SGCZ: variants seen among roughly 807,000 people sequenced by gnomAD.
The protein encoded by SGCZ is zeta-sarcoglycan.
In SGCZ, 40 loss-of-function variants were observed where a neutral mutation model predicts 41.3. That is an observed-to-expected ratio of 0.97 (90% CI 0.75 to 1.26). The LOEUF is 1.26. Ranked by LOEUF, SGCZ falls within the 50% of genes most tolerant of loss-of-function variation. SGCZ has a pLI of 0.00. For missense variants in SGCZ, 552 were observed against 369.8 expected (o/e 1.49, Z -4.04); for synonymous variants, 206 against 137.5 (o/e 1.50, Z -3.49).
At chr8:14,571,062 A>G (rs1195615385) in intron 1 of SGCZ, among the ~76,000 whole-genome samples, 1 of 152,184 alleles carries the variant, frequency 6.6e-6, no homozygotes. Context: ...CTGGGTTTAT[A>G]AAGGAAAGAG....
intron 1 of SGCZ, among the ~76,000 whole-genome samples, chr8:15,008,398 AG>A (rs1294349253): frequency 1.3e-5 from 2 of 151,836 alleles, no homozygotes; most frequent in African/African-American, 4.8e-5. Flanking sequence ...ATAGAAGGAC[AG>A]TAGATATAAC....
chr8:14,692,657 A>G lies in SGCZ; in HGVS notation c.40-137731T>C, dbSNP rs936912811. Among the ~76,000 whole-genome samples the G allele has an allele frequency of 1.3e-5, 2 of 152,158 alleles. 1 individual carries two copies. The highest frequency in any genetic ancestry group is 1.3e-4 in the Admixed American group (2 of 15,276). On this transcript the variant is annotated intron_variant, in intron 1 of 7. Transcript: ENST00000382080. ...CTATCTAATACAGAAAATTTGAACTATTTGTATCGCCATTTGGGACCAACT... is the reference window on the plus strand; with the variant it reads ...CTATCTAATACAGAAAATTTGAACTGTTTGTATCGCCATTTGGGACCAACT...
At chr8:14,589,681 G>T (rs1158683538) in intron 1 of SGCZ, among the ~76,000 whole-genome samples, 1 of 152,100 alleles carries the variant, frequency 6.6e-6, no homozygotes, top group African/African-American at 2.4e-5. Flanking sequence ...GAGGAACATA[G>T]ATATTTCCTT....
chr8:14,678,396 C>T (rs1472465012), intron 1 of SGCZ, among the ~76,000 whole-genome samples: 1 of 152,048 alleles, frequency 6.6e-6, no homozygotes, highest in East Asian at 1.9e-4. Flanking sequence ...GACACTTCAC[C>T]AAAGAAGATG....
At chr8:14,823,364 G>A (rs1367029814) in intron 1 of SGCZ, among the ~76,000 whole-genome samples, 1 of 151,876 alleles carries the variant, frequency 6.6e-6, no homozygotes, top group Non-Finnish European at 1.5e-5. Flanking sequence ...AATATGTAAA[G>A]AATTGAAACA....
intron 1 of SGCZ, among the ~76,000 whole-genome samples, chr8:14,589,913 G>C (rs1169192295): frequency 6.6e-6 from 1 of 152,102 alleles, no homozygotes; most frequent in Non-Finnish European, 1.5e-5. Context: ...TCTTAGTCCA[G>C]GTTTCTTTAT....
intron 1 of SGCZ, among the ~76,000 whole-genome samples, chr8:15,172,385 C>T (rs1196537150): frequency 6.6e-6 from 1 of 151,452 alleles, no homozygotes; most frequent in African/African-American, 2.4e-5. Flanking sequence ...TGGTCTCGAT[C>T]TCCTGACCTC....
At chr8:14,594,074 C>T (rs1052093520) in intron 1 of SGCZ, among the ~76,000 whole-genome samples, 2 of 151,884 alleles carry the variant, frequency 1.3e-5, no homozygotes, top group Admixed American at 6.6e-5. Context: ...ACTCAGGAGG[C>T]TGACGTGGGA....
chr8:14,373,106 G>T (rs897498694), intron 2 of SGCZ, among the ~76,000 whole-genome samples: 4 of 152,160 alleles, frequency 2.6e-5, no homozygotes, highest in Non-Finnish European at 4.4e-5. Context: ...AATGAGGCTA[G>T]GAAAAGGATG....
intron 4 of SGCZ, among the ~76,000 whole-genome samples, chr8:14,188,464 T>C (rs1045855055): frequency 3.3e-5 from 5 of 152,290 alleles, no homozygotes; most frequent in African/African-American, 1.2e-4. Flanking sequence ...ACATTTTATA[T>C]GGTTATATTT....
At chr8:14,632,234 G>A (rs137855789) in intron 1 of SGCZ, among the ~76,000 whole-genome samples, 125 of 151,896 alleles carry the variant, frequency 8.2e-4, no homozygotes, top group Middle Eastern at 3.4e-3. Context: ...TGTTGCCCAC[G>A]CTTGTCTTGA....
intron 1 of SGCZ, among the ~76,000 whole-genome samples, chr8:14,837,035 C>T (rs1352003641): frequency 4.6e-5 from 7 of 151,982 alleles, no homozygotes; most frequent in South Asian, 4.2e-4. Context: ...ATAATTATGC[C>T]CTCCTCAACT....
chr8:14,482,626 G>A (rs1801565232), intron 2 of SGCZ, among the ~76,000 whole-genome samples: 2 of 152,062 alleles, frequency 1.3e-5, no homozygotes, highest in African/African-American at 2.4e-5. Flanking sequence ...CATTATTTCT[G>A]GGTGTTTCTG....
chr8:14,103,281 A>G (rs558971289), intron 6 of SGCZ, among the ~76,000 whole-genome samples: 2 of 101,070 alleles, frequency 2.0e-5, no homozygotes, highest in East Asian at 1.7e-3. Context: ...GAAAAAGCAA[A>G]AATGACACAC....
At chr8:15,139,362 C>T (rs1808234239) in intron 1 of SGCZ, among the ~76,000 whole-genome samples, 1 of 152,176 alleles carries the variant, frequency 6.6e-6, no homozygotes, top group South Asian at 2.1e-4. Flanking sequence ...ACATCAAGCA[C>T]ACTTTTTTCC....
intron 3 of SGCZ, among the ~76,000 whole-genome samples, chr8:14,275,860 C>T (rs1451400575): frequency 6.6e-6 from 1 of 152,110 alleles, no homozygotes; most frequent in African/African-American, 2.4e-5. Flanking sequence ...TAATGGCAGC[C>T]CACTTAAATG....
At chr8:14,721,994 A>G (rs550229585) in intron 1 of SGCZ, among the ~76,000 whole-genome samples, 16 of 152,164 alleles carry the variant, frequency 1.1e-4, no homozygotes, top group African/African-American at 3.9e-4. Flanking sequence ...AGGTGTTTCT[A>G]TGATTCTCCC....
At chr8:15,030,719 GA>G (rs1014944186) in intron 1 of SGCZ, among the ~76,000 whole-genome samples, 5 of 152,102 alleles carry the variant, frequency 3.3e-5, no homozygotes, top group African/African-American at 1.2e-4. Context: ...TGGTTAGGGG[GA>G]TAACTTACTA....
intron 2 of SGCZ, among the ~76,000 whole-genome samples, chr8:14,381,960 G>A (rs1218501751): frequency 6.6e-6 from 1 of 152,138 alleles, no homozygotes; most frequent in Non-Finnish European, 1.5e-5. Flanking sequence ...CTTATGAGGA[G>A]ATTAGTTCCT....
Sources: allele counts gnomAD v4.1 joint callset (sites outside exome capture counted in the v4.1 genomes callset), GRCh38; gene constraint gnomAD v4.1.1; transcripts MANE v1.5; gene names NCBI Gene and HGNC (gene_info 2026-07-23, HGNC 2026-07-21).